The following RALGPS2 variants were observed in gnomAD, a reference collection of about 807,000 sequenced individuals.
RALGPS2 encodes Ral GEF with PH domain and SH3 binding motif 2, also known as ras-specific guanine nucleotide-releasing factor RalGPS2.
A neutral mutation model predicts 86.8 loss-of-function variants in RALGPS2; 43 were observed. The observed-to-expected ratio is 0.50, with a 90% CI of 0.39 to 0.64. RALGPS2 has a LOEUF of 0.64. Ranked by LOEUF, RALGPS2 falls within the 30% of genes least tolerant of loss-of-function variation. The probability of loss-of-function intolerance (pLI) is 0.00; values close to 1 mark genes in which losing one functional copy is unlikely to be tolerated. For missense variants in RALGPS2, 536 were observed against 694.6 expected (o/e 0.77, Z 2.57); for synonymous variants, 243 against 231.3 (o/e 1.05, Z -0.46).
intron 18 of RALGPS2, among the ~76,000 whole-genome samples, chr1:178,903,597 T>A (rs112053863): frequency 6.6e-6 from 1 of 152,178 alleles, no homozygotes; most frequent in African/African-American, 2.4e-5. Flanking sequence ...TGAGAACATA[T>A]GATGTTTGGT....
At chr1:178,861,561 G>A (rs138129913) in intron 8 of RALGPS2, among the ~76,000 whole-genome samples, 1 of 151,880 alleles carries the variant, frequency 6.6e-6, no homozygotes, top group Non-Finnish European at 1.5e-5. Context: ...AATGTGAATA[G>A]TGATTTCTGC....
Position 178,880,669 on chromosome 1 carries a change from A to G in RALGPS2, c.836+1677A>G, listed in dbSNP as rs189480539. Among the ~76,000 whole-genome samples the G allele has an allele frequency of 9.6e-4, 147 of 152,352 alleles. 1 individual carries two copies. Among genetic ancestry groups the G allele is most frequent in the Non-Finnish European group, 1.8e-3 (120 of 68,014 alleles). The stretch of plus-strand genomic sequence containing the variant: ...ATGTAGAACAGATATCTTAAAATTC[A>G]AAATGTGAGTAAGTAGCTATTAGTC... On this transcript the variant is annotated intron_variant, in intron 10 of 19. Transcript: ENST00000367635.
chr1:178,847,747 A>T (rs1481511716), intron 8 of RALGPS2, among the ~76,000 whole-genome samples: 1 of 152,210 alleles, frequency 6.6e-6, no homozygotes, highest in Non-Finnish European at 1.5e-5. Flanking sequence ...GTCCTAAGAA[A>T]TATAATGCTA....
At chr1:178,825,521 G>T (rs542795416) in intron 7 of RALGPS2, among the ~76,000 whole-genome samples, 1 of 152,264 alleles carries the variant, frequency 6.6e-6, no homozygotes, top group South Asian at 2.1e-4. Flanking sequence ...TTCTCTCCAT[G>T]AAATGGCAAT....
At chr1:178,886,703 C>T (rs1659499471) in intron 13 of RALGPS2, among the ~76,000 whole-genome samples, 3 of 152,024 alleles carry the variant, frequency 2.0e-5, no homozygotes, top group South Asian at 4.2e-4. Flanking sequence ...AATAAAAAAA[C>T]ATTCTCACAT....
rs2102428967 is a variant in RALGPS2 at position 178,917,109 on chromosome 1, T to C, written c.*750T>C. 1 of 152,316 alleles carries C rather than the reference T, an allele frequency of 6.6e-6. No individual in the cohort carries two copies. The highest frequency in any genetic ancestry group is 1.5e-5 in the Non-Finnish European group (1 of 68,034). 9.4% of individuals were successfully genotyped at this position (152,316 alleles called of 1,614,324 possible). A position where few individuals can be genotyped will look rare whatever the true frequency, so the allele number is the denominator to read the frequency against. The stretch of plus-strand genomic sequence containing the variant: ...TGTGTTCATTTGCCAGACGCTTTTT[T>C]TTTAAATAGGTTCCAGAAAACATGG... On this transcript the variant is annotated 3_prime_UTR_variant, in exon 20 of 20. Transcript: ENST00000367635.
intron 6 of RALGPS2, among the ~76,000 whole-genome samples, chr1:178,816,422 T>A (rs1428233609): frequency 2.0e-5 from 3 of 152,208 alleles, no homozygotes; most frequent in Admixed American, 2.0e-4. Context: ...CCCATATTTT[T>A]AATAGGATTG....
intron 11 of RALGPS2, among the ~76,000 whole-genome samples, chr1:178,884,807 A>G (rs1009801728): frequency 3.9e-5 from 6 of 152,178 alleles, no homozygotes; most frequent in Non-Finnish European, 8.8e-5. Flanking sequence ...GTGATGTGAA[A>G]GCTAGTCTCT....
chr1:178,738,568 A>G (rs1050843681), intron 1 of RALGPS2, among the ~76,000 whole-genome samples: 1 of 152,152 alleles, frequency 6.6e-6, no homozygotes, highest in African/African-American at 2.4e-5. Flanking sequence ...CTAAATTTCA[A>G]TTTTATGTTT....
chr1:178,816,030 T>A (rs546417529), intron 6 of RALGPS2, among the ~76,000 whole-genome samples: 1 of 152,348 alleles, frequency 6.6e-6, no homozygotes, highest in African/African-American at 2.4e-5. Context: ...TGAATAAAAC[T>A]GTTATGAACA....
chr1:178,794,251 G>A (rs886206702), intron 4 of RALGPS2, among the ~76,000 whole-genome samples: 3 of 152,140 alleles, frequency 2.0e-5, no homozygotes, highest in Middle Eastern at 3.4e-3. Context: ...AGAGTAGCTG[G>A]GACTACAGGC....
intron 11 of RALGPS2, 87 bp from the exon 12 acceptor site, chr1:178,884,989 C>A: frequency 7.3e-7 from 1 of 1,365,698 alleles, no homozygotes; most frequent in Non-Finnish European, 9.8e-7. Context: ...AGTACTATCT[C>A]AAAATTTGAA....
chr1:178,808,911 A>G (rs1015390926), intron 5 of RALGPS2, among the ~76,000 whole-genome samples: 3 of 152,104 alleles, frequency 2.0e-5, no homozygotes, highest in Non-Finnish European at 2.9e-5. Context: ...CTGTCACCCA[A>G]GCTGGAGTAC....
chr1:178,783,081 T>C (rs1653471682), intron 2 of RALGPS2, among the ~76,000 whole-genome samples: 2 of 152,146 alleles, frequency 1.3e-5, no homozygotes, highest in African/African-American at 2.4e-5. Flanking sequence ...CTGTCATTAA[T>C]ATGCCAAAGT....
intron 1 of RALGPS2, chr1:178,747,009 T>TA: frequency 1.1e-6 from 1 of 919,338 alleles, no homozygotes; most frequent in Non-Finnish European, 1.8e-6. Context: ...AATCTCCCTT[T>TA]ACACATTTTG....
chr1:178,803,731 TATG>T (rs1654596182), intron 4 of RALGPS2, among the ~76,000 whole-genome samples: 1 of 152,188 alleles, frequency 6.6e-6, no homozygotes, highest in Non-Finnish European at 1.5e-5. Flanking sequence ...GCTTGAAAGA[TATG>T]ATCTAATTTT....
intron 4 of RALGPS2, among the ~76,000 whole-genome samples, chr1:178,796,776 G>A (rs936559126): frequency 2.0e-5 from 3 of 152,072 alleles, no homozygotes; most frequent in African/African-American, 7.2e-5. Flanking sequence ...TAGGGTAGGT[G>A]GTCATCAGTT....
intron 16 of RALGPS2, among the ~76,000 whole-genome samples, chr1:178,896,930 A>G (rs1659974625): frequency 1.3e-5 from 2 of 151,134 alleles, no homozygotes; most frequent in Non-Finnish European, 2.9e-5. Context: ...ATACGTGTGC[A>G]TGTGTCTTTA....
At chr1:178,902,707 A>G (rs1660227120) in intron 18 of RALGPS2, among the ~76,000 whole-genome samples, 1 of 152,060 alleles carries the variant, frequency 6.6e-6, no homozygotes, top group Non-Finnish European at 1.5e-5. Context: ...CAGAACCAAT[A>G]TTCTGCAGTC....
Sources: allele counts gnomAD v4.1 joint callset (sites outside exome capture counted in the v4.1 genomes callset), GRCh38; gene constraint gnomAD v4.1.1; transcripts MANE v1.5; gene names NCBI Gene and HGNC (gene_info 2026-07-23, HGNC 2026-07-21).